CTNNA3: variants seen among roughly 807,000 people sequenced by gnomAD.
The protein encoded by CTNNA3 is catenin alpha 3.
In CTNNA3, 76 loss-of-function variants were observed where a neutral mutation model predicts 95.7. The observed-to-expected ratio is 0.79, with a 90% CI of 0.66 to 0.96. The LOEUF (loss-of-function observed/expected upper bound fraction) is 0.96. Ranked by LOEUF, CTNNA3 falls within the 40% of genes least tolerant of loss-of-function variation. The probability of loss-of-function intolerance (pLI) is 0.00; values close to 1 mark genes in which losing one functional copy is unlikely to be tolerated. For missense variants in CTNNA3, 1,191 were observed against 1,089.8 expected (o/e 1.09, Z -1.31); for synonymous variants, 431 against 374.4 (o/e 1.15, Z -1.74).
intron 9 of CTNNA3, among the ~76,000 whole-genome samples, chr10:66,692,358 A>T (rs1040690856): frequency 1.5e-4 from 23 of 152,220 alleles, no homozygotes; most frequent in African/African-American, 5.1e-4. Context: ...AAGAAAGGGT[A>T]TCAGCAATGG....
chr10:66,864,457 C>G (rs1844082784), intron 7 of CTNNA3, among the ~76,000 whole-genome samples: 1 of 152,116 alleles, frequency 6.6e-6, no homozygotes, highest in Non-Finnish European at 1.5e-5. Context: ...CTCCCATCCT[C>G]CAGAACTATC....
intron 5 of CTNNA3, chr10:67,346,674 CTA>C (rs1438694811): frequency 5.9e-6 from 3 of 509,654 alleles, no homozygotes. Context: ...GCAGGCCTTC[CTA>C]ATCTCGTGGC....
chr10:66,970,499 G>GGTT (rs1849657699), intron 7 of CTNNA3, among the ~76,000 whole-genome samples: 1 of 124,730 alleles, frequency 8.0e-6, no homozygotes. Flanking sequence ...CTATATTCTT[G>GGTT]GGTGGGGGGG....
intron 7 of CTNNA3, among the ~76,000 whole-genome samples, chr10:66,950,985 C>G (rs1221269407): frequency 6.6e-6 from 1 of 152,110 alleles, no homozygotes; most frequent in African/African-American, 2.4e-5. Flanking sequence ...GCTAGATTTC[C>G]TCTGAATAGA....
chr10:65,929,422 A>G (rs1265190075), intron 17 of CTNNA3, among the ~76,000 whole-genome samples: 28 of 152,240 alleles, frequency 1.8e-4, no homozygotes. Flanking sequence ...ATCAATTAGC[A>G]TATCTTGGGC....
At chr10:67,489,672 G>A (rs2133075590) in intron 5 of CTNNA3, among the ~76,000 whole-genome samples, 1 of 152,026 alleles carries the variant, frequency 6.6e-6, no homozygotes, top group Non-Finnish European at 1.5e-5. Flanking sequence ...AAACCAATTA[G>A]CAGGCATTCA....
chr10:66,034,843 C>G (rs576202190), intron 15 of CTNNA3, among the ~76,000 whole-genome samples: 19 of 152,112 alleles, frequency 1.2e-4, no homozygotes, highest in Non-Finnish European at 2.6e-4. Context: ...AATGGTGTAC[C>G]TGCAAATCAG....
In CTNNA3 at chr10:67,432,825, C is replaced by T. The variant is rs553738720; in HGVS notation, c.579+89017G>A. On this transcript the variant is annotated intron_variant, in intron 5 of 17. Transcript: ENST00000433211. ...GGGGTCACCATTCAGCCCATGACAA[C>T]GATCATGAGAGATATAGTTTTTCTT... is the stretch of plus-strand genomic sequence containing the variant. 7.2e-5 allele frequency among the ~76,000 whole-genome samples: 11 copies of T among 152,108 alleles called. No individual in the cohort carries two copies. In the East Asian group the frequency reaches 1.7e-3, roughly 24 times the overall value.
intron 1 of CTNNA3, among the ~76,000 whole-genome samples, chr10:67,678,252 C>A (rs1840568476): frequency 6.6e-6 from 1 of 151,476 alleles, no homozygotes; most frequent in African/African-American, 2.4e-5. Context: ...GTGAAATACC[C>A]AAAAATGTAA....
At chr10:67,235,024 A>T (rs1293010149) in intron 5 of CTNNA3, among the ~76,000 whole-genome samples, 1 of 150,612 alleles carries the variant, frequency 6.6e-6, no homozygotes, top group African/African-American at 2.5e-5. Flanking sequence ...GGATACAAAC[A>T]AATGGAAGAA....
At chr10:67,602,126 A>C (rs1843101756) in intron 3 of CTNNA3, among the ~76,000 whole-genome samples, 1 of 152,122 alleles carries the variant, frequency 6.6e-6, no homozygotes, top group African/African-American at 2.4e-5. Context: ...TCACTTTTCC[A>C]AATACTTTAA....
At chr10:67,725,740 T>G (rs1387866510) in intron 1 of CTNNA3, among the ~76,000 whole-genome samples, 4 of 151,728 alleles carry the variant, frequency 2.6e-5, no homozygotes, top group Non-Finnish European at 5.9e-5. Context: ...ATGTTCTAAA[T>G]GTTAGAGGTT....
intron 7 of CTNNA3, among the ~76,000 whole-genome samples, chr10:67,168,478 C>T (rs72806624): frequency 0.013 from 2,036 of 152,258 alleles, 19 homozygotes; most frequent in Non-Finnish European, 0.019. Context: ...GTTGGTTCAA[C>T]ATACACAAAG....
At chr10:66,516,222 A>G (rs1375090603) in intron 11 of CTNNA3, among the ~76,000 whole-genome samples, 1 of 152,136 alleles carries the variant, frequency 6.6e-6, no homozygotes, top group African/African-American at 2.4e-5. Context: ...CTGTGGGAGC[A>G]GATGTTGAAA....
At chr10:67,676,438 A>G (rs1346314351) in intron 1 of CTNNA3, among the ~76,000 whole-genome samples, 2 of 152,190 alleles carry the variant, frequency 1.3e-5, no homozygotes, top group Non-Finnish European at 2.9e-5. Context: ...GGTCCACTTC[A>G]ATAGTTTTGG....
At chr10:66,145,540 T>C (rs1294253247) in intron 13 of CTNNA3, among the ~76,000 whole-genome samples, 1 of 152,172 alleles carries the variant, frequency 6.6e-6, no homozygotes, top group Non-Finnish European at 1.5e-5. Context: ...TTCTCTACTC[T>C]AAATGACTAT....
chr10:67,284,356 A>G (rs1173035880), intron 5 of CTNNA3, among the ~76,000 whole-genome samples: 1 of 152,204 alleles, frequency 6.6e-6, no homozygotes, highest in Non-Finnish European at 1.5e-5. Flanking sequence ...TTAACGGAGA[A>G]CAAAGAAGCA....
intron 7 of CTNNA3, among the ~76,000 whole-genome samples, chr10:66,861,501 C>A (rs903672523): frequency 1.3e-5 from 2 of 152,156 alleles, no homozygotes; most frequent in Non-Finnish European, 2.9e-5. Flanking sequence ...CTGCCTTGTG[C>A]CTGAGCTGCT....
At chr10:67,138,547 T>C (rs1337462118) in intron 7 of CTNNA3, among the ~76,000 whole-genome samples, 1 of 152,198 alleles carries the variant, frequency 6.6e-6, no homozygotes, top group Non-Finnish European at 1.5e-5. Flanking sequence ...CAATGGCTAA[T>C]AAGTGCCCAG....
Sources: gnomAD v4.1 joint callset for allele counts (sites outside exome capture counted in the v4.1 genomes callset) on GRCh38, gnomAD v4.1.1 for gene constraint, MANE v1.5 for transcripts, NCBI Gene and HGNC (gene_info 2026-07-23, HGNC 2026-07-21) for gene names.